Variants in TLK2 observed in about 807,000 individuals in gnomAD.
The protein encoded by TLK2 is serine/threonine-protein kinase tousled-like 2.
A neutral mutation model predicts 117.3 loss-of-function variants in TLK2; 6 were observed. That is an observed-to-expected ratio of 0.05 (90% CI 0.03 to 0.10). The LOEUF is 0.10. Ranked by LOEUF, TLK2 falls within the 10% of genes least tolerant of loss-of-function variation. The probability of loss-of-function intolerance (pLI) is 1.00; values close to 1 mark genes in which losing one functional copy is unlikely to be tolerated. For missense variants in TLK2, 299 were observed against 901.2 expected (o/e 0.33, Z 8.56); for synonymous variants, 257 against 316.7 (o/e 0.81, Z 2.00).
At chr17:62,567,369 G>C (rs897372564) in intron 11 of TLK2, among the ~76,000 whole-genome samples, 13 of 152,296 alleles carry the variant, frequency 8.5e-5, no homozygotes, top group African/African-American at 3.1e-4. Context: ...TGATGACTTT[G>C]CTATAGAGCC....
intron 9 of TLK2, among the ~76,000 whole-genome samples, chr17:62,554,041 A>G (rs2078668926): frequency 6.6e-6 from 1 of 152,220 alleles, no homozygotes; most frequent in African/African-American, 2.4e-5. Context: ...GGGAATAAGT[A>G]TAAAGTGTTG....
intron 21 of TLK2, among the ~76,000 whole-genome samples, chr17:62,611,333 G>C (rs981948906): frequency 1.3e-5 from 2 of 152,170 alleles, no homozygotes; most frequent in Admixed American, 6.5e-5. Context: ...TGAAAAACCA[G>C]ATTGGCATTG....
chr17:62,517,949 C>T (rs1162219920), intron 2 of TLK2, among the ~76,000 whole-genome samples: 1 of 152,136 alleles, frequency 6.6e-6, no homozygotes, highest in Non-Finnish European at 1.5e-5. Flanking sequence ...CCGCCTGTCT[C>T]GACCTCCCAA....
intron 1 of TLK2, among the ~76,000 whole-genome samples, chr17:62,480,167 A>C (rs1458329844): frequency 6.6e-6 from 1 of 152,260 alleles, no homozygotes; most frequent in African/African-American, 2.4e-5. Context: ...ATTGCAGAGG[A>C]GAATGTTCGA....
chr17:62,581,900 T>A (rs1416918989), intron 15 of TLK2, among the ~76,000 whole-genome samples: 1 of 152,180 alleles, frequency 6.6e-6, no homozygotes, highest in East Asian at 1.9e-4. Context: ...GGAACCCTTT[T>A]CATCACTTGG....
intron 13 of TLK2, 106 bp downstream of exon 13, chr17:62,576,881 C>T: frequency 1.3e-6 from 1 of 776,460 alleles, no homozygotes; most frequent in Non-Finnish European, 2.2e-6. Context: ...CTGCACATAG[C>T]AGCAGAAAGC....
intron 11 of TLK2, among the ~76,000 whole-genome samples, chr17:62,570,580 TTTC>T (rs2080208098): frequency 6.6e-6 from 1 of 152,198 alleles, no homozygotes. Context: ...TCTTTATTCT[TTTC>T]TTCTTCAATA....
intron 2 of TLK2, among the ~76,000 whole-genome samples, 187 bp downstream of exon 2, chr17:62,481,393 T>A (rs998708204): frequency 4.6e-5 from 7 of 152,190 alleles, no homozygotes; most frequent in Non-Finnish European, 7.3e-5. Flanking sequence ...GGTTTGAAAA[T>A]GTTCTATATG....
At chr17:62,483,930 A>G (rs1355293426) in intron 2 of TLK2, among the ~76,000 whole-genome samples, 1 of 151,994 alleles carries the variant, frequency 6.6e-6, no homozygotes, top group Admixed American at 6.6e-5. Context: ...GGTTCAAGCT[A>G]TTCTCCTGCC....
upstream of TLK2, among the ~76,000 whole-genome samples, chr17:62,478,475 C>T (rs991799420): frequency 1.3e-5 from 2 of 150,114 alleles, no homozygotes; most frequent in Admixed American, 6.6e-5. Context: ...GCGGCGGGTC[C>T]TCCGGGCCTC....
chr17:62,576,816 C>G, intron 13 of TLK2, 41 bp downstream of exon 13: 1 of 1,514,276 alleles, frequency 6.6e-7, no homozygotes, highest in South Asian at 1.1e-5. Context: ...AATGTGATAC[C>G]TAGTTTAAAT....
chr17:62,533,729 G>A (rs1290529074), intron 6 of TLK2, among the ~76,000 whole-genome samples: 3 of 152,060 alleles, frequency 2.0e-5, no homozygotes, highest in South Asian at 2.1e-4. Flanking sequence ...TGCCCATCGC[G>A]GCCTCCCAAA....
At chr17:62,547,886 G>A (rs1281560844) in intron 7 of TLK2, among the ~76,000 whole-genome samples, 1 of 152,160 alleles carries the variant, frequency 6.6e-6, no homozygotes, top group Non-Finnish European at 1.5e-5. Context: ...ATAACCAATG[G>A]AGGGGTGTAT....
At chr17:62,516,663 C>T in intron 2 of TLK2, 2 of 1,609,796 alleles carry the variant, frequency 1.2e-6, no homozygotes, top group Non-Finnish European at 1.7e-6. Flanking sequence ...TCTTGTCTGC[C>T]AGCTCCGGGT....
chr17:62,584,446 G>T (rs1188339242), intron 15 of TLK2, among the ~76,000 whole-genome samples: 1 of 152,022 alleles, frequency 6.6e-6, no homozygotes, highest in African/African-American at 2.4e-5. Flanking sequence ...ATTTGAAATG[G>T]TTTTCTACTG....
At position 62,497,156 on chromosome 17, in the gene TLK2, C is replaced by T. The variant is rs150865775; in HGVS notation, c.81+15950C>T. The stretch of plus-strand genomic sequence containing the variant: ...GCCTATAGTCCCATCTGCATCTGTC[C>T]GGGAGGCTGAAGTGAGAGGATTACC... On this transcript the variant is annotated intron_variant, in intron 2 of 21. Transcript: ENST00000346027. Among the ~76,000 whole-genome samples, 1,231 of 151,538 alleles carry T rather than the reference C, an allele frequency of 8.1e-3. 13 individuals carry two copies. The highest frequency in any genetic ancestry group is 0.027 in the African/African-American group (1,133 of 41,246).
chr17:62,506,947 T>C (rs887897563), intron 2 of TLK2, among the ~76,000 whole-genome samples: 8 of 152,230 alleles, frequency 5.3e-5, no homozygotes, highest in Non-Finnish European at 1.0e-4. Flanking sequence ...AATGTTTGCA[T>C]ACTTTTATAA....
chr17:62,548,476 T>G (rs1018868636), intron 7 of TLK2, among the ~76,000 whole-genome samples: 10 of 151,778 alleles, frequency 6.6e-5, no homozygotes, highest in African/African-American at 1.2e-4. Context: ...AGAGACGAGG[T>G]TTCACCATAT....
intron 2 of TLK2, among the ~76,000 whole-genome samples, chr17:62,503,908 A>G (rs1173123262): frequency 6.3e-5 from 9 of 142,998 alleles, no homozygotes; most frequent in African/African-American, 2.4e-4. Context: ...TTTTTTTTGT[A>G]TTTTTAGTAG....
Sources: gnomAD v4.1 joint callset for allele counts (sites outside exome capture counted in the v4.1 genomes callset) on GRCh38, gnomAD v4.1.1 for gene constraint, MANE v1.5 for transcripts, NCBI Gene and HGNC (gene_info 2026-07-23, HGNC 2026-07-21) for gene names.